Variants in NRG3 observed in about 807,000 individuals in gnomAD.
NRG3 encodes neuregulin 3, also known as pro-neuregulin-3, membrane-bound isoform.
A neutral mutation model predicts 66.9 loss-of-function variants in NRG3; 31 were observed. The observed-to-expected ratio is 0.46, with a 90% CI of 0.35 to 0.63. NRG3 has a LOEUF of 0.63. Among genes scored for constraint, NRG3 ranks in the 20% least tolerant of loss-of-function variants. NRG3 has a pLI of 0.00. For synonymous variants in NRG3, 393 were observed against 359.4 expected (o/e 1.09, Z -1.06); for missense variants, 910 against 878.9 (o/e 1.04, Z -0.45).
chr10:82,682,824 C>T (rs1158907375), intron 2 of NRG3, among the ~76,000 whole-genome samples: 1 of 151,850 alleles, frequency 6.6e-6, no homozygotes, highest in East Asian at 1.9e-4. Context: ...TTTCTAGCTT[C>T]AGTTTCTTTA....
chr10:82,077,727 CTG>C (rs1321191875), intron 1 of NRG3, among the ~76,000 whole-genome samples: 1 of 152,142 alleles, frequency 6.6e-6, no homozygotes, highest in Non-Finnish European at 1.5e-5. Flanking sequence ...GGATAATGGG[CTG>C]TGTTGCCAAC....
At chr10:82,645,763 AAAC>A (rs2050886766) in intron 2 of NRG3, among the ~76,000 whole-genome samples, 1 of 152,126 alleles carries the variant, frequency 6.6e-6, no homozygotes, top group Non-Finnish European at 1.5e-5. Flanking sequence ...GGTGGGGAAA[AAAC>A]AAGAGTGTTG....
intron 1 of NRG3, among the ~76,000 whole-genome samples, chr10:82,090,637 T>A (rs1410962805): frequency 2.0e-5 from 3 of 152,008 alleles, no homozygotes; most frequent in African/African-American, 7.3e-5. Context: ...AAGGGACGAG[T>A]GGATTGCCTA....
chr10:82,019,539 A>G (rs1244331297), intron 1 of NRG3, among the ~76,000 whole-genome samples: 3 of 152,186 alleles, frequency 2.0e-5, no homozygotes, highest in Non-Finnish European at 4.4e-5. Context: ...TACCTCTGGT[A>G]GAATTCGGCT....
intron 3 of NRG3, among the ~76,000 whole-genome samples, chr10:82,853,052 G>T (rs1191925460): frequency 2.0e-5 from 3 of 152,118 alleles, no homozygotes; most frequent in Non-Finnish European, 4.4e-5. Context: ...ATAGGGTAAG[G>T]CAGGATTTTA....
chr10:82,719,738 A>G (rs2057184374), intron 2 of NRG3, among the ~76,000 whole-genome samples: 1 of 152,102 alleles, frequency 6.6e-6, no homozygotes. Context: ...TGCTGTTGCC[A>G]GTCCCTGTTA....
At chr10:82,873,412 T>A (rs990178124) in intron 4 of NRG3, among the ~76,000 whole-genome samples, 2 of 152,188 alleles carry the variant, frequency 1.3e-5, no homozygotes, top group African/African-American at 4.8e-5. Flanking sequence ...CCTTAACAGT[T>A]TGAATAGATC....
At chr10:82,399,973 C>A (rs1276028641) in intron 2 of NRG3, among the ~76,000 whole-genome samples, 3 of 152,150 alleles carry the variant, frequency 2.0e-5, no homozygotes, top group East Asian at 3.9e-4. Context: ...TCAACAAATA[C>A]CTGCTCTCTG....
At chr10:82,621,086 C>T (rs2049010152) in intron 2 of NRG3, among the ~76,000 whole-genome samples, 1 of 152,060 alleles carries the variant, frequency 6.6e-6, no homozygotes, top group Non-Finnish European at 1.5e-5. Flanking sequence ...GAACAAGTCT[C>T]CCAGTGTTGA....
chr10:82,190,177 A>C (rs1467740921), intron 1 of NRG3, among the ~76,000 whole-genome samples: 1 of 152,074 alleles, frequency 6.6e-6, no homozygotes, highest in South Asian at 2.1e-4. Flanking sequence ...CTACTTTCTA[A>C]AGTTGCTGAG....
Position 82,478,231 on chromosome 10 carries a change from CTTTTTTTTTTTTTTTTT to C in NRG3, c.953+119375_953+119391del, listed in dbSNP as rs1210990084. ...ATGCTGAGTGTTGGCTTGTGTCACT[CTTTTTTTTTTTTTTTTT>C]TTTTTTTTTTTAATTTATTTTTTTA... On this transcript the variant is annotated intron_variant, in intron 2 of 8. Transcript: ENST00000372141. Among the ~76,000 whole-genome samples, 2 of 18,150 alleles carry C rather than the reference CTTTTTTTTTTTTTTTTT, an allele frequency of 1.1e-4. 1 individual carries two copies. Among genetic ancestry groups the C allele is most frequent in the Non-Finnish European group, 2.7e-4 (2 of 7,486 alleles). 11.9% of individuals were successfully genotyped at this position (18,150 alleles called of 152,430 possible).
chr10:82,533,068 T>A (rs1269719585), intron 2 of NRG3, among the ~76,000 whole-genome samples: 1 of 151,972 alleles, frequency 6.6e-6, no homozygotes, highest in Non-Finnish European at 1.5e-5. Flanking sequence ...CATTTTTACA[T>A]ATACCTGTTG....
At chr10:82,516,608 G>A (rs1845687859) in intron 2 of NRG3, among the ~76,000 whole-genome samples, 2 of 152,202 alleles carry the variant, frequency 1.3e-5, no homozygotes, top group Admixed American at 6.5e-5. Flanking sequence ...CCATAATAAT[G>A]CCTCTTGTAT....
chr10:82,669,639 C>A (rs2134024330), intron 2 of NRG3, among the ~76,000 whole-genome samples: 1 of 152,260 alleles, frequency 6.6e-6, no homozygotes, highest in Non-Finnish European at 1.5e-5. Context: ...ATTTAAAAAG[C>A]CGCAACATGC....
At chr10:82,385,385 A>G (rs1029871736) in intron 2 of NRG3, among the ~76,000 whole-genome samples, 2 of 152,164 alleles carry the variant, frequency 1.3e-5, no homozygotes, top group African/African-American at 4.8e-5. Flanking sequence ...ACAATCAAGA[A>G]TAACAATAAT....
rs10490931 is a variant in NRG3, at chr10:82,184,949, A to G, written c.824-173790A>G. ...TGCTTAATTACATAATTTCATTCCA[A>G]TTAAGCTGCTAATTAATTGACAGGG... On this transcript the variant is annotated intron_variant, in intron 1 of 8. Transcript: ENST00000372141. Among the ~76,000 whole-genome samples, 1,434 of 152,286 alleles carry G rather than the reference A, an allele frequency of 9.4e-3. 58 individuals are homozygous for G. The East Asian group carries it at 0.14, about 15-fold the overall frequency.
At chr10:82,622,289 C>T (rs1262789102) in intron 2 of NRG3, among the ~76,000 whole-genome samples, 5 of 151,194 alleles carry the variant, frequency 3.3e-5, no homozygotes, top group Admixed American at 3.3e-4. Context: ...ATGATATTCC[C>T]CTGAAAATCA....
At chr10:82,455,387 A>G (rs1324653738) in intron 2 of NRG3, among the ~76,000 whole-genome samples, 21 of 152,148 alleles carry the variant, frequency 1.4e-4, no homozygotes, top group Admixed American at 1.4e-3. Context: ...TTGTGACACA[A>G]TGGTAAGTAT....
At chr10:82,676,322 T>G (rs2053682202) in intron 2 of NRG3, among the ~76,000 whole-genome samples, 2 of 152,298 alleles carry the variant, frequency 1.3e-5, no homozygotes, top group Admixed American at 6.5e-5. Context: ...TGGATTGCCT[T>G]AAGGAAGACT....
Sources: allele counts gnomAD v4.1 joint callset (sites outside exome capture counted in the v4.1 genomes callset), GRCh38; gene constraint gnomAD v4.1.1; transcripts MANE v1.5; gene names NCBI Gene and HGNC (gene_info 2026-07-23, HGNC 2026-07-21).